Variants in CFAP221 observed in about 807,000 individuals in gnomAD.
CFAP221 encodes cilia- and flagella-associated protein 221.
Under a neutral mutation model 113.1 loss-of-function variants are expected in CFAP221, and 97 were observed. The ratio of observed to expected loss-of-function variants is 0.86; its 90% CI spans 0.73 to 1.02. The LOEUF is 1.02. Ranked by LOEUF, CFAP221 falls within the 50% of genes least tolerant of loss-of-function variation. CFAP221 has a pLI of 0.00. For synonymous variants in CFAP221, 331 were observed against 354.4 expected, an observed-to-expected ratio of 0.93 and a Z score of 0.74; for missense variants, 1,025 against 1,013.4, an observed-to-expected ratio of 1.01 and a Z score of -0.16.
At chr2:119,611,189 T>C (rs1362842972) in intron 12 of CFAP221, among the ~76,000 whole-genome samples, 1 of 152,172 alleles carries the variant, frequency 6.6e-6, no homozygotes, top group Non-Finnish European at 1.5e-5. Flanking sequence ...ATGTTAAATG[T>C]CTTTTTAATG....
At position 119,604,715 on chromosome 2, in the gene CFAP221, A is replaced by G. The variant is rs774406715; in HGVS notation, c.835A>G (p.Asn279Asp). Residue 279 changes from asparagine to aspartate, a missense_variant, in exon 9 of 24, where the codon AAC becomes GAC. By Grantham distance (23) the Asn-to-Asp change is conservative (BLOSUM62 1). Coordinates refer to ENST00000413369, the MANE Select transcript of CFAP221 (RefSeq NM_001271049.2). ...ERLNTLSKKV[N>D]VPPEKAMMHI... The stretch of plus-strand genomic sequence containing the variant: ...GTTGAATACCCTTTCTAAGAAAGTA[A>G]ACGTTCCTCCAGAAAAAGCAATGAT... 2.3e-5 allele frequency: 35 copies of G among 1,553,226 alleles called. No homozygotes were observed. The highest frequency in any genetic ancestry group is 1.7e-4 in the Middle Eastern group (1 of 5,770).
intron 23 of CFAP221, among the ~76,000 whole-genome samples, chr2:119,653,783 A>G (rs1369540270): frequency 6.6e-6 from 1 of 152,218 alleles, no homozygotes; most frequent in Admixed American, 6.5e-5. Flanking sequence ...CCTGCATTCA[A>G]ATGCCCTGGA....
In CFAP221 at chr2:119,576,974, A is replaced by T. The variant is rs555333720; in HGVS notation, c.528-10145A>T. Among the ~76,000 whole-genome samples, 352 of 152,298 alleles carry T rather than the reference A, an allele frequency of 2.3e-3. 2 individuals are homozygous for T. The highest frequency in any genetic ancestry group is 7.7e-3 in the African/African-American group (318 of 41,558). ...TTCCCTGACTTTCTTCCTTCTCTCTATGTGTATGCCGGTCCTTGAGAGGAG... is the reference window on the plus strand; with the variant it reads ...TTCCCTGACTTTCTTCCTTCTCTCTTTGTGTATGCCGGTCCTTGAGAGGAG... On this transcript the variant is annotated intron_variant, in intron 6 of 23. Coordinates refer to ENST00000413369, the MANE Select transcript of CFAP221 (RefSeq NM_001271049.2).
chr2:119,635,795 C>T (rs1364219165), intron 19 of CFAP221, among the ~76,000 whole-genome samples: 1 of 152,080 alleles, frequency 6.6e-6, no homozygotes, highest in African/African-American at 2.4e-5. Context: ...TTGGGCTGAT[C>T]TCTGGTCATT....
intron 11 of CFAP221, among the ~76,000 whole-genome samples, chr2:119,607,749 A>G (rs559544556): frequency 6.6e-6 from 1 of 152,350 alleles, no homozygotes; most frequent in East Asian, 1.9e-4. Flanking sequence ...TTTCATATAA[A>G]GGGAATCACA....
At chr2:119,646,577 CA>C (rs1349788991) in intron 21 of CFAP221, among the ~76,000 whole-genome samples, 1 of 152,172 alleles carries the variant, frequency 6.6e-6, no homozygotes, top group Non-Finnish European at 1.5e-5. Context: ...AATCACCTCC[CA>C]CCAGGCTCCA....
chr2:119,657,705 G>A (rs993356393), downstream of CFAP221, among the ~76,000 whole-genome samples: 1 of 152,162 alleles, frequency 6.6e-6, no homozygotes, highest in Non-Finnish European at 1.5e-5. Flanking sequence ...ATTGGTCAAC[G>A]TGTCCCCTTC....
intron 8 of CFAP221, chr2:119,602,538 C>A: frequency 2.4e-6 from 2 of 850,562 alleles, no homozygotes; most frequent in South Asian, 1.1e-4. Flanking sequence ...AGTGGAGTAG[C>A]AACCTTATAT....
chr2:119,638,108 C>T, intron 19 of CFAP221, 151 bp from the exon 20 acceptor site: 3 of 666,666 alleles, frequency 4.5e-6, no homozygotes, highest in Non-Finnish European at 7.2e-6. Context: ...GACACCTCTG[C>T]TCTCCTGCTT....
chr2:119,562,498 A>G (rs570699362), intron 6 of CFAP221, among the ~76,000 whole-genome samples: 20 of 152,112 alleles, frequency 1.3e-4, no homozygotes, highest in Non-Finnish European at 2.5e-4. Flanking sequence ...AGCTCCAGAC[A>G]TTAGCCTGGG....
intron 3 of CFAP221, among the ~76,000 whole-genome samples, chr2:119,550,019 C>A (rs554404653): frequency 1.5e-4 from 23 of 152,202 alleles, no homozygotes; most frequent in Non-Finnish European, 3.2e-4. Flanking sequence ...TCACCATGAT[C>A]CCCTAGTCAT....
At position 119,630,767 on chromosome 2, in the gene CFAP221, G is replaced by A. The variant is rs767365632; in HGVS notation, c.1840G>A (p.Asp614Asn). The A allele has an allele frequency of 6.2e-7, 1 of 1,609,638 alleles. No individual in the cohort carries two copies. The highest frequency in any genetic ancestry group is 1.1e-5 in the South Asian group (1 of 90,900). The change falls in exon 19 of 24, where the codon GAT (aspartate) becomes AAT (asparagine). Residue 614 changes from aspartate to asparagine, a missense_variant and splice_region_variant. Physicochemically the swap from Asp to Asn is conservative, Grantham distance 23 (BLOSUM62 1). Coordinates refer to ENST00000413369, the MANE Select transcript of CFAP221 (RefSeq NM_001271049.2). ...ACGTGCTGTCCTTGCTCCTTGTTAG[G>A]ATGAAGTCACCACCATCACAGCCCT... ...LARALKQGAEDEVTTITALPK... is the reference protein window; with the variant it reads ...LARALKQGAENEVTTITALPK...
At chr2:119,638,767 G>A (rs748259116) in intron 20 of CFAP221, among the ~76,000 whole-genome samples, 2 of 152,132 alleles carry the variant, frequency 1.3e-5, no homozygotes, top group Non-Finnish European at 2.9e-5. Context: ...CCCAAGTGTA[G>A]AAACCAGAAT....
intron 13 of CFAP221, among the ~76,000 whole-genome samples, chr2:119,615,196 A>G (rs1464317169): frequency 6.6e-6 from 1 of 152,246 alleles, no homozygotes; most frequent in African/African-American, 2.4e-5. Context: ...ATGCAGGCAC[A>G]TGTGGGACAA....
In CFAP221 at chr2:119,569,900, T is replaced by C. The variant is rs1217985116; in HGVS notation, c.527+7786T>C. ...CTTACACTTCCCATTTTTTCTTGCA[T>C]GCTGTCTACTTATCCATAGAGCCCT... On this transcript the variant is annotated intron_variant, in intron 6 of 23. Transcript: ENST00000413369. Among the ~76,000 whole-genome samples the C allele has an allele frequency of 2.0e-5, 3 of 152,256 alleles. No individual in the cohort carries two copies. The East Asian group carries it at 5.8e-4, about 29-fold the overall frequency.
chr2:119,566,971 C>T (rs1049868781), intron 6 of CFAP221, among the ~76,000 whole-genome samples: 1 of 151,954 alleles, frequency 6.6e-6, no homozygotes, highest in Non-Finnish European at 1.5e-5. Context: ...TTTTTGAAGA[C>T]TTTATATTCT....
intron 23 of CFAP221, 172 bp from the exon 24 acceptor site, chr2:119,656,190 A>G (rs1349388637): frequency 1.7e-6 from 1 of 584,662 alleles, no homozygotes; most frequent in East Asian, 2.9e-5. Flanking sequence ...TGAATCATTC[A>G]TAAGCTGAGT....
intron 23 of CFAP221, 37 bp downstream of exon 23, chr2:119,652,106 C>A (rs1334507257): frequency 1.3e-6 from 2 of 1,528,404 alleles, no homozygotes; most frequent in Non-Finnish European, 1.8e-6. Flanking sequence ...AAAAGGTAAT[C>A]TTGGATGAAA....
chr2:119,586,566 A>G (rs1683237470), intron 6 of CFAP221: 1 of 152,222 alleles, frequency 6.6e-6, no homozygotes, highest in Non-Finnish European at 1.5e-5. Flanking sequence ...AATAAAGAGT[A>G]CCTAGCTTAT....
Sources: allele counts gnomAD v4.1 joint callset (sites outside exome capture counted in the v4.1 genomes callset), GRCh38; gene constraint gnomAD v4.1.1; transcripts MANE v1.5; gene names NCBI Gene and HGNC (gene_info 2026-07-23, HGNC 2026-07-21).